Variants in CCDC85A observed in about 807,000 individuals in gnomAD.
CCDC85A encodes the protein coiled-coil domain containing 85A.
A neutral mutation model predicts 50.2 loss-of-function variants in CCDC85A; 38 were observed. The ratio of observed to expected loss-of-function variants is 0.76; its 90% CI spans 0.58 to 0.99. CCDC85A has a LOEUF of 0.99. Among genes scored for constraint, CCDC85A ranks in the 50% least tolerant of loss-of-function variants. CCDC85A has a pLI of 0.00. For synonymous variants in CCDC85A, 366 were observed against 301.4 expected (o/e 1.21, Z -2.22); for missense variants, 820 against 742.0 (o/e 1.11, Z -1.22).
At chr2:56,338,246 A>G (rs985627967) in intron 2 of CCDC85A, among the ~76,000 whole-genome samples, 5 of 152,188 alleles carry the variant, frequency 3.3e-5, no homozygotes, top group African/African-American at 7.2e-5. Context: ...GTAATGGTCA[A>G]TTTAAATTAT....
intron 2 of CCDC85A, among the ~76,000 whole-genome samples, chr2:56,237,269 G>A (rs1478178119): frequency 2.0e-5 from 3 of 152,082 alleles, no homozygotes; most frequent in African/African-American, 4.8e-5. Context: ...GAGAGCAGAG[G>A]TAATCTACTA....
chr2:56,222,344 TG>T (rs1458547280), intron 2 of CCDC85A, among the ~76,000 whole-genome samples: 1 of 152,152 alleles, frequency 6.6e-6, no homozygotes, highest in Non-Finnish European at 1.5e-5. Flanking sequence ...TATAGCATAA[TG>T]TTTTGATATA....
chr2:56,360,471 G>A (rs868088142), intron 3 of CCDC85A, among the ~76,000 whole-genome samples: 3 of 152,098 alleles, frequency 2.0e-5, no homozygotes, highest in East Asian at 1.9e-4. Flanking sequence ...AACCAGCCTC[G>A]GGGAACTTAC....
At chr2:56,313,683 T>C (rs1558636278) in intron 2 of CCDC85A, among the ~76,000 whole-genome samples, 1 of 152,148 alleles carries the variant, frequency 6.6e-6, no homozygotes, top group African/African-American at 2.4e-5. Context: ...TTACTTCTAT[T>C]TGCCAGCCCC....
At chr2:56,332,537 A>G (rs2111471) in intron 2 of CCDC85A, among the ~76,000 whole-genome samples, 150,733 of 152,212 alleles carry the variant, frequency 0.99, 74,638 homozygotes, top group Middle Eastern at 1. Context: ...CTCACCTTGG[A>G]GGTTAGGTTT....
chr2:56,273,198 A>G (rs1429001906), intron 2 of CCDC85A, among the ~76,000 whole-genome samples: 1 of 152,180 alleles, frequency 6.6e-6, no homozygotes, highest in Admixed American at 6.5e-5. Flanking sequence ...TAAGAAAACT[A>G]GGAGATCAGT....
chr2:56,193,496 C>A (rs1676399889), intron 2 of CCDC85A, 56 bp downstream of exon 2: 7 of 1,500,338 alleles, frequency 4.7e-6, no homozygotes, highest in Admixed American at 2.2e-5. Context: ...TAGAGAGTTA[C>A]GAATGATGAT....
intron 2 of CCDC85A, among the ~76,000 whole-genome samples, chr2:56,197,500 C>T (rs1676574608): frequency 6.6e-6 from 1 of 152,152 alleles, no homozygotes; most frequent in African/African-American, 2.4e-5. Flanking sequence ...GAGCCTTACA[C>T]TGCACTCTGA....
At position 56,342,840 on chromosome 2, in the gene CCDC85A, C is replaced by G. The variant is rs2104323278; in HGVS notation, c.1241-39C>G. 3 of 1,341,264 alleles carry G rather than the reference C, an allele frequency of 2.2e-6. No homozygotes were observed. The South Asian group carries it at 3.8e-5, about 17-fold the overall frequency. The allele number at this position is 1,341,264 out of a possible 1,614,324, so 83.1% of individuals were successfully genotyped here. Reference sequence around the variant, plus strand: ...TATCCTGACAGTACACCAAACAAGACCTGTGTGTATAATGTGAGTTCTTTC... The same window carrying G: ...TATCCTGACAGTACACCAAACAAGAGCTGTGTGTATAATGTGAGTTCTTTC... On this transcript the variant is annotated intron_variant, in intron 2 of 5. Coordinates refer to ENST00000407595, the MANE Select transcript of CCDC85A (RefSeq NM_001080433.2).
rs1675895621 is a variant in CCDC85A, at chr2:56,184,340, C to T, written c.-285C>T. On this transcript the variant is annotated 5_prime_UTR_variant, in exon 1 of 6. Coordinates refer to ENST00000407595, the MANE Select transcript of CCDC85A (RefSeq NM_001080433.2). The stretch of plus-strand genomic sequence containing the variant: ...GGATTTCCCGCGGCAGCCCCGGGCT[C>T]CCCAGTGCCCCTCACCATGGACTTG... The T allele has an allele frequency of 4.0e-6, 2 of 499,066 alleles. No homozygotes were observed. The highest frequency in any genetic ancestry group is 5.7e-6 in the Non-Finnish European group (2 of 347,990). 30.9% of individuals were successfully genotyped at this position (499,066 alleles called of 1,614,324 possible). A position where few individuals can be genotyped will look rare whatever the true frequency, so the allele number is the denominator to read the frequency against.
chr2:56,348,063 C>T (rs1036808265), intron 3 of CCDC85A, among the ~76,000 whole-genome samples: 1 of 152,166 alleles, frequency 6.6e-6, no homozygotes, highest in Non-Finnish European at 1.5e-5. Context: ...ACTATTCTCA[C>T]CTATTTTGTG....
chr2:56,190,063 A>G (rs894681683), intron 1 of CCDC85A, among the ~76,000 whole-genome samples: 11 of 152,362 alleles, frequency 7.2e-5, no homozygotes, highest in Non-Finnish European at 1.0e-4. Flanking sequence ...ATTCACTCCC[A>G]TGACTTTAGG....
chr2:56,363,770 T>A (rs1179377855), intron 3 of CCDC85A, among the ~76,000 whole-genome samples: 1 of 152,224 alleles, frequency 6.6e-6, no homozygotes, highest in Non-Finnish European at 1.5e-5. Flanking sequence ...AACACAATTA[T>A]TAATCGGCTC....
intron 2 of CCDC85A, among the ~76,000 whole-genome samples, chr2:56,324,861 A>C (rs1186855615): frequency 6.6e-6 from 1 of 152,124 alleles, no homozygotes; most frequent in Non-Finnish European, 1.5e-5. Flanking sequence ...GGGCTTACAA[A>C]CATGAATAAA....
At chr2:56,341,437 T>C (rs1674365021) in intron 2 of CCDC85A, among the ~76,000 whole-genome samples, 1 of 152,202 alleles carries the variant, frequency 6.6e-6, no homozygotes, top group Admixed American at 6.5e-5. Context: ...CTTGCTCATG[T>C]TTGACTAGCT....
At chr2:56,249,795 T>A (rs568667674) in intron 2 of CCDC85A, among the ~76,000 whole-genome samples, 1 of 152,300 alleles carries the variant, frequency 6.6e-6, no homozygotes, top group Admixed American at 6.5e-5. Context: ...TAGTTATTCC[T>A]CTGTGTCTAC....
intron 2 of CCDC85A, among the ~76,000 whole-genome samples, chr2:56,242,850 C>T (rs1455718146): frequency 1.3e-5 from 2 of 152,002 alleles, no homozygotes; most frequent in South Asian, 2.1e-4. Context: ...GTCCAGTGGC[C>T]TGGAGAATTC....
At position 56,307,330 on chromosome 2, in the gene CCDC85A, C is replaced by CT. The variant is rs545389286; in HGVS notation, c.1241-35542dup. ...TAGAGTGCAGAAATTATCATATATG[C>CT]TTTTTTTAAAAAAAAACTGTGTTCA... On this transcript the variant is annotated intron_variant, in intron 2 of 5. Transcript: ENST00000407595. Among the ~76,000 whole-genome samples the CT allele has an allele frequency of 4.0e-3, 604 of 151,656 alleles. 4 individuals carry two copies. The highest frequency in any genetic ancestry group is 0.014 in the African/African-American group (577 of 41,152).
At chr2:56,292,465 C>G (rs1349531211) in intron 2 of CCDC85A, among the ~76,000 whole-genome samples, 1 of 152,126 alleles carries the variant, frequency 6.6e-6, no homozygotes. Flanking sequence ...TAGTTTTGGT[C>G]TTCACAGGGA....
Sources: gnomAD v4.1 joint callset for allele counts (sites outside exome capture counted in the v4.1 genomes callset) on GRCh38, gnomAD v4.1.1 for gene constraint, MANE v1.5 for transcripts, NCBI Gene and HGNC (gene_info 2026-07-23, HGNC 2026-07-21) for gene names.